TENM4: variants seen among roughly 807,000 people sequenced by gnomAD.
TENM4 encodes the protein teneurin transmembrane protein 4.
Under a neutral mutation model 243.3 loss-of-function variants are expected in TENM4, and 82 were observed. That is an observed-to-expected ratio of 0.34 (90% CI 0.28 to 0.40). TENM4 has a LOEUF of 0.40. Among genes scored for constraint, TENM4 ranks in the 10% least tolerant of loss-of-function variants. The pLI, the probability that TENM4 is intolerant of heterozygous loss-of-function variation, is 1.00. For missense variants in TENM4, 3,138 were observed against 3,673.3 expected (o/e 0.85, Z 3.77); for synonymous variants, 1,412 against 1,456.3 (o/e 0.97, Z 0.69).
chr11:79,069,623 C>T (rs1436064415), intron 5 of TENM4, 99 bp downstream of exon 5: 1 of 1,426,714 alleles, frequency 7.0e-7, no homozygotes, highest in Non-Finnish European at 9.2e-7. Flanking sequence ...TTCCAGCTCA[C>T]CTGTGCCACG....
chr11:79,407,669 C>T (rs1858601892), intron 1 of TENM4, among the ~76,000 whole-genome samples: 1 of 152,178 alleles, frequency 6.6e-6, no homozygotes, highest in African/African-American at 2.4e-5. Flanking sequence ...AAATTTGTAT[C>T]ACTTTAATTA....
At position 79,369,000 on chromosome 11, in the gene TENM4, G is replaced by T. The variant is rs183446056; in HGVS notation, c.-320-71457C>A. On this transcript the variant is annotated intron_variant, in intron 1 of 33. Transcript: ENST00000278550. The stretch of plus-strand genomic sequence containing the variant: ...ATGAAGCTTTGTTGAGGGGGCTTTG[G>T]TGGTTGCAATGTACACAAGCCCATT... Among the ~76,000 whole-genome samples, 25 of 152,220 alleles carry T rather than the reference G, an allele frequency of 1.6e-4. No individual in the cohort carries two copies. The East Asian group carries it at 4.8e-3, about 29-fold the overall frequency.
In TENM4 at chr11:79,338,526, C is replaced by T. The variant is rs182690137; in HGVS notation, c.-320-40983G>A. On this transcript the variant is annotated intron_variant, in intron 1 of 33. Transcript: ENST00000278550. The stretch of plus-strand genomic sequence containing the variant: ...ATTGTCCAAGGGACCTGAGGTCATC[C>T]CTTCCATCACTGGGCAGCCAGAGCA... Among the ~76,000 whole-genome samples the T allele has an allele frequency of 7.2e-5, 11 of 152,350 alleles. No homozygotes were observed. The East Asian group carries it at 2.1e-3, about 29-fold the overall frequency.
intron 2 of TENM4, among the ~76,000 whole-genome samples, chr11:79,261,914 G>GTCAT: frequency 6.6e-6 from 1 of 152,300 alleles, no homozygotes; most frequent in South Asian, 2.1e-4. Flanking sequence ...ATGAAAGCAA[G>GTCAT]TCATATGCAT....
chr11:79,421,091 C>G (rs549689863), intron 1 of TENM4, among the ~76,000 whole-genome samples: 45 of 152,308 alleles, frequency 3.0e-4, no homozygotes, highest in African/African-American at 1.0e-3. Context: ...TCCCTACTCT[C>G]CCTTTGCTTT....
At chr11:79,304,485 C>T (rs1052885163) in intron 1 of TENM4, among the ~76,000 whole-genome samples, 2 of 152,160 alleles carry the variant, frequency 1.3e-5, no homozygotes, top group Non-Finnish European at 2.9e-5. Context: ...AATTATCAGG[C>T]CTTGGATTTT....
intron 3 of TENM4, chr11:79,193,276 A>G (rs1441363648): frequency 6.6e-6 from 1 of 152,226 alleles, no homozygotes; most frequent in East Asian, 1.9e-4. Flanking sequence ...CCAAGACCTC[A>G]CAAGTAGTGA....
At chr11:78,672,356 A>G (rs780255619) in intron 30 of TENM4, 27 bp from the exon 31 acceptor site, 2 of 1,594,966 alleles carry the variant, frequency 1.3e-6, no homozygotes, top group Admixed American at 3.4e-5. Context: ...AAGGAAAGAG[A>G]AAATTAATCT....
intron 6 of TENM4, among the ~76,000 whole-genome samples, chr11:78,995,380 A>T (rs1040232193): frequency 6.6e-6 from 1 of 152,142 alleles, no homozygotes; most frequent in Non-Finnish European, 1.5e-5. Context: ...ACGTCCTGAA[A>T]ACTCCTGTCC....
intron 6 of TENM4, among the ~76,000 whole-genome samples, chr11:79,026,033 G>A (rs73504640): frequency 0.029 from 4,403 of 152,222 alleles, 141 homozygotes; most frequent in East Asian, 0.075. Context: ...GTAAGCCTTC[G>A]ATTCTCTGTG....
At chr11:79,335,283 G>T (rs1300928386) in intron 1 of TENM4, among the ~76,000 whole-genome samples, 1 of 152,186 alleles carries the variant, frequency 6.6e-6, no homozygotes, top group African/African-American at 2.4e-5. Context: ...CCTTGGCAAG[G>T]CAACATGATC....
chr11:79,130,613 G>A (rs960197808), intron 4 of TENM4, among the ~76,000 whole-genome samples: 1 of 152,168 alleles, frequency 6.6e-6, no homozygotes, highest in East Asian at 1.9e-4. Context: ...CACGAGATCA[G>A]GAGATCGAGA....
intron 2 of TENM4, among the ~76,000 whole-genome samples, chr11:79,248,809 G>C (rs1010320345): frequency 2.0e-5 from 3 of 152,036 alleles, no homozygotes; most frequent in African/African-American, 7.3e-5. Context: ...TTGAATAATG[G>C]GCTGTTTTTG....
At chr11:79,127,937 G>A (rs193188794) in intron 4 of TENM4, among the ~76,000 whole-genome samples, 48 of 152,316 alleles carry the variant, frequency 3.2e-4, no homozygotes, top group Non-Finnish European at 6.0e-4. Flanking sequence ...ACAATGCCTA[G>A]TGGGCCTATT....
chr11:79,406,799 A>G (rs932808099), intron 1 of TENM4, among the ~76,000 whole-genome samples: 1 of 152,178 alleles, frequency 6.6e-6, no homozygotes, highest in Non-Finnish European at 1.5e-5. Flanking sequence ...TTAAAAAAAT[A>G]TGGGCAGCAG....
chr11:79,405,214 T>C (rs1225515756), intron 1 of TENM4, among the ~76,000 whole-genome samples: 1 of 152,138 alleles, frequency 6.6e-6, no homozygotes, highest in Non-Finnish European at 1.5e-5. Flanking sequence ...GCAGGTACTA[T>C]TTCTTCCGAG....
intron 2 of TENM4, among the ~76,000 whole-genome samples, chr11:79,220,812 C>A (rs1199553434): frequency 6.6e-6 from 1 of 152,186 alleles, no homozygotes; most frequent in Non-Finnish European, 1.5e-5. Flanking sequence ...TCTACCTCAG[C>A]TACCTTATTT....
chr11:79,131,793 C>T (rs1321367769), intron 4 of TENM4, among the ~76,000 whole-genome samples: 1 of 152,098 alleles, frequency 6.6e-6, no homozygotes, highest in African/African-American at 2.4e-5. Flanking sequence ...GCCTTCAGTC[C>T]TTACCTAGCA....
intron 3 of TENM4, among the ~76,000 whole-genome samples, chr11:79,190,177 C>T (rs962401664): frequency 6.6e-6 from 1 of 152,230 alleles, no homozygotes; most frequent in African/African-American, 2.4e-5. Flanking sequence ...GTAGACCTCA[C>T]CACCACGGCA....
Sources: gnomAD v4.1 joint callset for allele counts (sites outside exome capture counted in the v4.1 genomes callset) on GRCh38, gnomAD v4.1.1 for gene constraint, MANE v1.5 for transcripts, NCBI Gene and HGNC (gene_info 2026-07-23, HGNC 2026-07-21) for gene names.